Variants in FAM171A1 observed in about 807,000 individuals in gnomAD.
FAM171A1 encodes family with sequence similarity 171 member A1.
A neutral mutation model predicts 74.9 loss-of-function variants in FAM171A1; 23 were observed. The observed-to-expected ratio is 0.31, with a 90% CI of 0.22 to 0.44. FAM171A1 has a LOEUF of 0.44. Among genes scored for constraint, FAM171A1 ranks in the 20% least tolerant of loss-of-function variants. The pLI is 1.00. For missense variants in FAM171A1, 1,162 were observed against 1,159.2 expected (o/e 1.00, Z -0.03); for synonymous variants, 527 against 505.7 (o/e 1.04, Z -0.57).
At chr10:15,255,299 C>A (rs1332458732) in intron 3 of FAM171A1, among the ~76,000 whole-genome samples, 1 of 152,172 alleles carries the variant, frequency 6.6e-6, no homozygotes, top group Non-Finnish European at 1.5e-5. Context: ...CGTCTTTAAT[C>A]TCCCTGGAAA....
chr10:15,219,401 A>C (rs898999529), intron 6 of FAM171A1, among the ~76,000 whole-genome samples: 1 of 152,174 alleles, frequency 6.6e-6, no homozygotes, highest in Non-Finnish European at 1.5e-5. Context: ...TCTAAAATTA[A>C]AGTTCATTTT....
At chr10:15,222,078 A>G (rs1834045460) in intron 5 of FAM171A1, among the ~76,000 whole-genome samples, 2 of 152,034 alleles carry the variant, frequency 1.3e-5, no homozygotes, top group African/African-American at 4.8e-5. Flanking sequence ...GGCCAGGGAG[A>G]GGCTGGGCGA....
chr10:15,349,561 T>C (rs1835854879), intron 1 of FAM171A1, among the ~76,000 whole-genome samples: 1 of 152,090 alleles, frequency 6.6e-6, no homozygotes, highest in Non-Finnish European at 1.5e-5. Context: ...AGGGTGGCCC[T>C]CATGAGGACC....
intron 1 of FAM171A1, among the ~76,000 whole-genome samples, chr10:15,300,753 G>T (rs1195832349): frequency 6.6e-6 from 1 of 152,244 alleles, no homozygotes; most frequent in African/African-American, 2.4e-5. Flanking sequence ...TGTAAGAAAT[G>T]GGGTAGTGGC....
intron 1 of FAM171A1, among the ~76,000 whole-genome samples, chr10:15,324,016 A>G (rs1835519331): frequency 6.6e-6 from 1 of 152,156 alleles, no homozygotes; most frequent in South Asian, 2.1e-4. Context: ...TGGTTAGCCC[A>G]TTTGCCAGCC....
chr10:15,256,263 T>C (rs1367357586), intron 3 of FAM171A1, among the ~76,000 whole-genome samples: 2 of 152,240 alleles, frequency 1.3e-5, no homozygotes, highest in Admixed American at 6.5e-5. Flanking sequence ...TCTAGACGTG[T>C]TCTAGAAAAA....
In FAM171A1 at chr10:15,371,273, T is replaced by C. The variant is rs1386747567; in HGVS notation, c.-221A>G. ...CGGCGGCGGCGGCGGCGGCTGCTGC[T>C]GCTCCGCCAGCTCCTTAACCCCTTC... is the stretch of plus-strand genomic sequence containing the variant. On this transcript the variant is annotated 5_prime_UTR_variant, in exon 1 of 8. Coordinates refer to ENST00000378116, the MANE Select transcript of FAM171A1 (RefSeq NM_001010924.2). Among the ~76,000 whole-genome samples, 2 of 141,830 alleles carry C rather than the reference T, an allele frequency of 1.4e-5. No individual in the cohort carries two copies. Among genetic ancestry groups the C allele is most frequent in the Non-Finnish European group, 3.1e-5 (2 of 64,714 alleles). 93.0% of individuals were successfully genotyped at this position (141,830 alleles called of 152,430 possible).
intron 1 of FAM171A1, among the ~76,000 whole-genome samples, chr10:15,300,802 C>G (rs1037508560): frequency 9.2e-5 from 14 of 152,064 alleles, no homozygotes; most frequent in African/African-American, 3.1e-4. Flanking sequence ...AGTGAGATCT[C>G]AAGGGTACAG....
intron 1 of FAM171A1, among the ~76,000 whole-genome samples, chr10:15,352,059 A>AT (rs927587422): frequency 3.0e-4 from 14 of 46,246 alleles, no homozygotes; most frequent in Non-Finnish European, 8.1e-4. Flanking sequence ...AAAAAATACA[A>AT]TTTTTTTTTG....
At chr10:15,277,864 C>T (rs1029757548) in intron 2 of FAM171A1, among the ~76,000 whole-genome samples, 8 of 152,160 alleles carry the variant, frequency 5.3e-5, no homozygotes, top group Admixed American at 3.3e-4. Context: ...TCAAGCTATC[C>T]TCCTGCCACA....
chr10:15,231,618 T>G (rs1469996341), intron 5 of FAM171A1, among the ~76,000 whole-genome samples: 1 of 151,580 alleles, frequency 6.6e-6, no homozygotes, highest in Non-Finnish European at 1.5e-5. Context: ...GTGGCAACTC[T>G]GTCAGGCAGA....
At chr10:15,255,271 T>A (rs187048653) in intron 3 of FAM171A1, among the ~76,000 whole-genome samples, 37 of 152,326 alleles carry the variant, frequency 2.4e-4, no homozygotes, top group Non-Finnish European at 3.8e-4. Flanking sequence ...GAGATACTCT[T>A]TGATACCGCT....
At chr10:15,328,902 T>C (rs6602837) in intron 1 of FAM171A1, among the ~76,000 whole-genome samples, 69,287 of 151,928 alleles carry the variant, frequency 0.46, 16,335 homozygotes, top group East Asian at 0.8. Context: ...TGGGCTTCTT[T>C]TGACAGATAT....
chr10:15,216,851 C>T (rs1833973726), intron 6 of FAM171A1, among the ~76,000 whole-genome samples: 2 of 149,426 alleles, frequency 1.3e-5, no homozygotes, highest in Non-Finnish European at 3.0e-5. Flanking sequence ...AAAAAAAACC[C>T]TACAAAGTTT....
rs1023008444 is a variant in FAM171A1, at chr10:15,248,546, A to C, written c.754+93T>G. 11 of 1,355,992 alleles carry C rather than the reference A, an allele frequency of 8.1e-6. No individual in the cohort carries two copies. The African/African-American group carries it at 1.3e-4, about 16-fold the overall frequency. 84.0% of individuals were successfully genotyped at this position (1,355,992 alleles called of 1,614,324 possible). A position where few individuals can be genotyped will look rare whatever the true frequency, so the allele number is the denominator to read the frequency against. On this transcript the variant is annotated intron_variant, in intron 5 of 7. Transcript: ENST00000378116. ...TGAGCAGCAGCATTCACTGACTTCA[A>C]GGAAAGGAGACTTCCATGAGCTTCT...
chr10:15,231,890 GC>G (rs1834211711), intron 5 of FAM171A1, among the ~76,000 whole-genome samples: 1 of 152,010 alleles, frequency 6.6e-6, no homozygotes, highest in South Asian at 2.1e-4. Flanking sequence ...TTTAAGATCA[GC>G]CCTGGCAACA....
rs751986554 is a variant in FAM171A1, at chr10:15,287,622, GT to G, written c.98-3518del. 2.2e-3 allele frequency among the ~76,000 whole-genome samples: 341 copies of G among 152,236 alleles called. 1 individual carries two copies. The highest frequency in any genetic ancestry group is 4.0e-3 in the Non-Finnish European group (274 of 68,008). ...GGGATGGTCTTGATCTCTTGACCTG[GT>G]GATCTGCCCGCCTTGGCCTCCCAAA... On this transcript the variant is annotated intron_variant, in intron 1 of 7. Coordinates refer to ENST00000378116, the MANE Select transcript of FAM171A1 (RefSeq NM_001010924.2).
chr10:15,293,841 C>T (rs368474496), intron 1 of FAM171A1, among the ~76,000 whole-genome samples: 9 of 152,162 alleles, frequency 5.9e-5, no homozygotes, highest in African/African-American at 1.7e-4. Flanking sequence ...GTGGGTACCA[C>T]GGGCAGATGA....
In FAM171A1 at chr10:15,252,677, A is replaced by C. The variant is rs147462294; in HGVS notation, c.577+2044T>G. Among the ~76,000 whole-genome samples the C allele has an allele frequency of 4.0e-3, 602 of 152,316 alleles. 1 individual carries two copies. The highest frequency in any genetic ancestry group is 0.013 in the African/African-American group (560 of 41,574). ...TGCCTTCGCTGCTAGGTCTCCAAGA[A>C]AGCCTAGTCATTTCTAGGTCAAGTC... On this transcript the variant is annotated intron_variant, in intron 4 of 7. Coordinates refer to ENST00000378116, the MANE Select transcript of FAM171A1 (RefSeq NM_001010924.2).
Sources: allele counts gnomAD v4.1 joint callset (sites outside exome capture counted in the v4.1 genomes callset), GRCh38; gene constraint gnomAD v4.1.1; transcripts MANE v1.5; gene names NCBI Gene and HGNC (gene_info 2026-07-23, HGNC 2026-07-21).